MICU2: variants seen among roughly 807,000 people sequenced by gnomAD.
MICU2 encodes calcium uptake protein 2, mitochondrial.
A neutral mutation model predicts 60.4 loss-of-function variants in MICU2; 64 were observed. That is an observed-to-expected ratio of 1.06 (90% CI 0.87 to 1.31). The LOEUF (loss-of-function observed/expected upper bound fraction) is 1.31. Among genes scored for constraint, MICU2 ranks in the 50% most tolerant of loss-of-function variants. The pLI is 0.00. For synonymous variants in MICU2, 201 were observed against 175.0 expected, an observed-to-expected ratio of 1.15 and a Z score of -1.17; for missense variants, 569 against 531.0, an observed-to-expected ratio of 1.07 and a Z score of -0.70.
At chr13:21,516,548 G>A (rs1442105899) in intron 6 of MICU2, among the ~76,000 whole-genome samples, 1 of 152,178 alleles carries the variant, frequency 6.6e-6, no homozygotes, top group Non-Finnish European at 1.5e-5. Flanking sequence ...CAATTTTGTG[G>A]ATGTGGGTTT....
intron 6 of MICU2, among the ~76,000 whole-genome samples, chr13:21,517,785 ACACACACACACACACGCGCGCG>A (rs932676150): frequency 3.2e-5 from 3 of 94,328 alleles, no homozygotes; most frequent in African/African-American, 4.0e-5. Context: ...ACACACACAC[ACACACACACACACACGCGCGCG>A]CGCGCGCACA....
intron 2 of MICU2, 118 bp downstream of exon 2, chr13:21,566,679 A>C: frequency 1.2e-6 from 1 of 812,960 alleles, no homozygotes; most frequent in Admixed American, 3.3e-5. Flanking sequence ...AAATAAGCAA[A>C]TGCATGGTAC....
chr13:21,585,481 C>T lies in MICU2; in HGVS notation c.210+18458G>A, dbSNP rs548850210. Among the ~76,000 whole-genome samples the T allele has an allele frequency of 1.1e-4, 16 of 152,292 alleles. No individual in the cohort carries two copies. In the South Asian group the frequency reaches 3.1e-3, roughly 30 times the overall value. On this transcript the variant is annotated intron_variant, in intron 1 of 11. Transcript: ENST00000382374. ...ACTGCACACAAATATACTAGCAGTACACTCCAATAAGTTCCAGTTTTACCT... is the reference window on the plus strand; with the variant it reads ...ACTGCACACAAATATACTAGCAGTATACTCCAATAAGTTCCAGTTTTACCT...
chr13:21,604,017 C>A lies in MICU2; in HGVS notation c.132G>T (p.Leu44=). 1 of 1,609,240 alleles carries A rather than the reference C, an allele frequency of 6.2e-7. No individual in the cohort carries two copies. The highest frequency in any genetic ancestry group is 1.3e-5 in the African/African-American group (1 of 74,750). ...PLAAAVAGAA[L]AGAGAAWHHS... ...GGTGCCAGGCCGCTCCTGCTCCTGC[C>A]AGGGCCGCGCCGGCCACTGCCGCTG... Residue 44 remains leucine, a synonymous_variant, in exon 1 of 12, where the codon CTG becomes CTT. Coordinates refer to ENST00000382374, the MANE Select transcript of MICU2 (RefSeq NM_152726.3).
chr13:21,592,895 C>T (rs1008369120), intron 1 of MICU2, among the ~76,000 whole-genome samples: 3 of 152,126 alleles, frequency 2.0e-5, no homozygotes, highest in South Asian at 4.1e-4. Flanking sequence ...TTAAGACAAA[C>T]CCACAGCCAA....
At chr13:21,506,180 C>A (rs1311410041) in intron 8 of MICU2, among the ~76,000 whole-genome samples, 2 of 152,076 alleles carry the variant, frequency 1.3e-5, no homozygotes, top group Non-Finnish European at 2.9e-5. Context: ...GTGCACACCA[C>A]CCCACCCATC....
At chr13:21,569,695 A>G (rs1445816923) in intron 1 of MICU2, among the ~76,000 whole-genome samples, 3 of 151,534 alleles carry the variant, frequency 2.0e-5, no homozygotes, top group East Asian at 3.9e-4. Context: ...GTATTATAGT[A>G]TCTAATGTTT....
chr13:21,536,735 C>T (rs987130584), intron 4 of MICU2, among the ~76,000 whole-genome samples: 1 of 152,218 alleles, frequency 6.6e-6, no homozygotes, highest in African/African-American at 2.4e-5. Flanking sequence ...TTAGAAATTA[C>T]ATTTGTTTCT....
chr13:21,601,862 C>CTG (rs1436415964), intron 1 of MICU2, among the ~76,000 whole-genome samples: 1 of 150,802 alleles, frequency 6.6e-6, no homozygotes, highest in Non-Finnish European at 1.5e-5. Context: ...TCCCAGCACT[C>CTG]TGGGAGGCCA....
chr13:21,498,369 CTTTTTTTTTTTTTTTTTTT>C (rs34890922), intron 9 of MICU2, among the ~76,000 whole-genome samples: 2 of 78,544 alleles, frequency 2.5e-5, no homozygotes, highest in Non-Finnish European at 4.3e-5. Context: ...ATATCCTATT[CTTTTTTTTTTTTTTTTTTT>C]TTTTTTTTTT....
At chr13:21,559,437 A>G (rs1018645640) in intron 2 of MICU2, among the ~76,000 whole-genome samples, 5 of 152,220 alleles carry the variant, frequency 3.3e-5, no homozygotes, top group African/African-American at 1.2e-4. Flanking sequence ...GTGTATATAT[A>G]GGAATGGGAT....
intron 2 of MICU2, 82 bp downstream of exon 2, chr13:21,566,715 A>T: frequency 8.6e-7 from 1 of 1,156,402 alleles, no homozygotes; most frequent in South Asian, 1.5e-5. Context: ...AATGAAGAAA[A>T]GCTGTTATCA....
At chr13:21,541,893 T>C (rs961855083) in intron 2 of MICU2, among the ~76,000 whole-genome samples, 3 of 152,202 alleles carry the variant, frequency 2.0e-5, no homozygotes, top group Non-Finnish European at 2.9e-5. Context: ...GAAAACCAGA[T>C]ACTTAATGCA....
intron 1 of MICU2, among the ~76,000 whole-genome samples, chr13:21,571,913 C>A (rs950464188): frequency 1.1e-4 from 16 of 152,082 alleles, no homozygotes; most frequent in African/African-American, 2.9e-4. Context: ...TACAGTACTG[C>A]AAAGATCATC....
chr13:21,561,711 CTTTTT>C (rs1171543592), intron 2 of MICU2, among the ~76,000 whole-genome samples: 1 of 133,308 alleles, frequency 7.5e-6, no homozygotes, highest in Admixed American at 7.4e-5. Flanking sequence ...TTTTTAGTCT[CTTTTT>C]TTTTATTATT....
intron 4 of MICU2, among the ~76,000 whole-genome samples, chr13:21,527,345 T>G (rs774492542): frequency 6.6e-6 from 1 of 152,248 alleles, no homozygotes; most frequent in Non-Finnish European, 1.5e-5. Context: ...CTGGGCTTGA[T>G]GCCAGAAGGA....
At chr13:21,534,344 T>C (rs1887082573) in intron 4 of MICU2, among the ~76,000 whole-genome samples, 1 of 152,080 alleles carries the variant, frequency 6.6e-6, no homozygotes, top group Admixed American at 6.6e-5. Context: ...TAGAGGGTAT[T>C]ACAGGCGTGA....
chr13:21,524,087 T>C (rs1263767349), intron 4 of MICU2, among the ~76,000 whole-genome samples: 1 of 152,100 alleles, frequency 6.6e-6, no homozygotes, highest in African/African-American at 2.4e-5. Flanking sequence ...AAACGATATC[T>C]CAAAAACCAT....
At chr13:21,591,780 A>G (rs1888588810) in intron 1 of MICU2, among the ~76,000 whole-genome samples, 1 of 152,326 alleles carries the variant, frequency 6.6e-6, no homozygotes, top group East Asian at 1.9e-4. Context: ...ACTCCTGGGT[A>G]AATAAAGAAA....
Sources: gnomAD v4.1 joint callset for allele counts (sites outside exome capture counted in the v4.1 genomes callset) on GRCh38, gnomAD v4.1.1 for gene constraint, MANE v1.5 for transcripts, NCBI Gene and HGNC (gene_info 2026-07-23, HGNC 2026-07-21) for gene names.